SPAG16: variants seen among roughly 807,000 people sequenced by gnomAD.
The protein encoded by SPAG16 is sperm associated antigen 16.
Under a neutral mutation model 80.4 loss-of-function variants are expected in SPAG16, and 86 were observed. The observed-to-expected ratio is 1.07, with a 90% confidence interval of 0.90 to 1.28. SPAG16 has a LOEUF of 1.28. SPAG16 is among the 50% of genes most tolerant of loss of function. SPAG16 has a pLI of 0.00. For missense variants in SPAG16, 870 were observed against 765.3 expected (o/e 1.14, Z -1.61); for synonymous variants, 294 against 265.9 (o/e 1.11, Z -1.03).
chr2:214,184,046 A>C (rs2057391934), intron 15 of SPAG16, among the ~76,000 whole-genome samples: 1 of 152,042 alleles, frequency 6.6e-6, no homozygotes, highest in African/African-American at 2.4e-5. Flanking sequence ...GTTTATTTTC[A>C]ATTTATATAC....
At chr2:213,760,914 A>T (rs898930856) in intron 10 of SPAG16, among the ~76,000 whole-genome samples, 1 of 152,232 alleles carries the variant, frequency 6.6e-6, no homozygotes, top group South Asian at 2.1e-4. Context: ...GAACTTGTTT[A>T]TAACTACCCC....
chr2:213,319,189 A>G (rs183735393), intron 5 of SPAG16, among the ~76,000 whole-genome samples: 1 of 152,082 alleles, frequency 6.6e-6, no homozygotes, highest in African/African-American at 2.4e-5. Flanking sequence ...TTTCTCACTT[A>G]AAGAATCATA....
intron 13 of SPAG16, among the ~76,000 whole-genome samples, chr2:214,025,309 G>T (rs140736561): frequency 3.0e-3 from 457 of 151,586 alleles, no homozygotes; most frequent in African/African-American, 0.01. Context: ...AGAACTAAGT[G>T]ACTACAATTC....
intron 10 of SPAG16, among the ~76,000 whole-genome samples, chr2:213,747,609 C>T (rs1262587873): frequency 6.6e-6 from 1 of 152,166 alleles, no homozygotes; most frequent in African/African-American, 2.4e-5. Context: ...ATGTTACTAT[C>T]GCTACAATAT....
chr2:213,766,940 G>T (rs190333570), intron 10 of SPAG16, among the ~76,000 whole-genome samples: 1 of 152,244 alleles, frequency 6.6e-6, no homozygotes, highest in East Asian at 1.9e-4. Flanking sequence ...AGGCCTGCCG[G>T]GTAAAACCTT....
Position 213,945,813 on chromosome 2 carries a change from A to G in SPAG16, c.1400+15668A>G, listed in dbSNP as rs188881375. Among the ~76,000 whole-genome samples, 17 of 152,310 alleles carry G rather than the reference A, an allele frequency of 1.1e-4. No homozygotes were observed. In the East Asian group the frequency reaches 3.1e-3, roughly 28 times the overall value. On this transcript the variant is annotated intron_variant, in intron 12 of 15. Coordinates refer to ENST00000331683, the MANE Select transcript of SPAG16 (RefSeq NM_024532.5). ...CTTAATCTTGGATTTCCCAGCCTCCAGAACTGTGAGAAATAAATGTTTATT... is the reference window on the plus strand; with the variant it reads ...CTTAATCTTGGATTTCCCAGCCTCCGGAACTGTGAGAAATAAATGTTTATT...
intron 15 of SPAG16, among the ~76,000 whole-genome samples, chr2:214,374,470 T>C (rs747681957): frequency 1.3e-5 from 2 of 152,232 alleles, no homozygotes; most frequent in African/African-American, 2.4e-5. Context: ...GTATGCCTGT[T>C]CACATTCATC....
At chr2:213,712,181 G>A (rs749002212) in intron 10 of SPAG16, among the ~76,000 whole-genome samples, 18 of 152,052 alleles carry the variant, frequency 1.2e-4, no homozygotes, top group South Asian at 6.2e-4. Flanking sequence ...ATAAGTATAC[G>A]TGTAATAGCC....
intron 15 of SPAG16, among the ~76,000 whole-genome samples, chr2:214,301,200 T>TA (rs1694526888): frequency 6.7e-6 from 1 of 148,476 alleles, no homozygotes; most frequent in African/African-American, 2.5e-5. Flanking sequence ...TAAATAGATT[T>TA]AAAAGCAAAA....
At chr2:213,626,092 T>C (rs1236491293) in intron 10 of SPAG16, among the ~76,000 whole-genome samples, 1 of 152,206 alleles carries the variant, frequency 6.6e-6, no homozygotes, top group Non-Finnish European at 1.5e-5. Flanking sequence ...TCATATTTTG[T>C]TGTTATCATT....
intron 9 of SPAG16, among the ~76,000 whole-genome samples, chr2:213,488,498 C>A (rs1291520711): frequency 6.6e-6 from 1 of 151,970 alleles, no homozygotes. Flanking sequence ...ATAAGAGAGA[C>A]AAAAATCACT....
chr2:214,059,186 C>CTCTATA (rs1553706143), intron 13 of SPAG16, among the ~76,000 whole-genome samples: 30 of 114,380 alleles, frequency 2.6e-4, no homozygotes, highest in African/African-American at 1.1e-3. Context: ...CTCTCTCTGT[C>CTCTATA]TATATATATA....
chr2:213,895,430 T>G (rs898610225), intron 11 of SPAG16, among the ~76,000 whole-genome samples: 1 of 152,100 alleles, frequency 6.6e-6, no homozygotes, highest in Non-Finnish European at 1.5e-5. Flanking sequence ...ATAAAATTCC[T>G]ATGGAACTAA....
chr2:214,061,981 GCA>G (rs58582439), intron 13 of SPAG16, among the ~76,000 whole-genome samples: 7,525 of 111,516 alleles, frequency 0.067, 244 homozygotes, highest in Non-Finnish European at 0.077. Flanking sequence ...ATAAAAGCAT[GCA>G]CACACACACA....
intron 10 of SPAG16, among the ~76,000 whole-genome samples, chr2:213,614,752 A>G (rs12617938): frequency 0.41 from 62,223 of 152,054 alleles, 13,269 homozygotes; most frequent in Middle Eastern, 0.52. Flanking sequence ...TATTAATGGG[A>G]CATTAGTATA....
intron 9 of SPAG16, among the ~76,000 whole-genome samples, chr2:213,404,309 A>G (rs1227324116): frequency 6.6e-6 from 1 of 152,234 alleles, no homozygotes; most frequent in Non-Finnish European, 1.5e-5. Context: ...TTCAAACTAT[A>G]CTACAAGCCT....
At chr2:213,819,537 C>A (rs1319256936) in intron 10 of SPAG16, among the ~76,000 whole-genome samples, 2 of 152,068 alleles carry the variant, frequency 1.3e-5, no homozygotes, top group Non-Finnish European at 2.9e-5. Flanking sequence ...AATAAATGCA[C>A]ATTCTTTGAA....
intron 10 of SPAG16, among the ~76,000 whole-genome samples, chr2:213,540,433 G>A (rs1259937705): frequency 6.6e-6 from 1 of 152,076 alleles, no homozygotes; most frequent in African/African-American, 2.4e-5. Flanking sequence ...GGGAATATCA[G>A]TGTGGATATA....
At chr2:214,086,797 A>G (rs1484280152) in intron 13 of SPAG16, among the ~76,000 whole-genome samples, 2 of 152,188 alleles carry the variant, frequency 1.3e-5, no homozygotes, top group East Asian at 1.9e-4. Flanking sequence ...AGCAAATTGG[A>G]TCAATCACAT....
Sources: allele counts gnomAD v4.1 joint callset (sites outside exome capture counted in the v4.1 genomes callset), GRCh38; gene constraint gnomAD v4.1.1; transcripts MANE v1.5; gene names NCBI Gene and HGNC (gene_info 2026-07-23, HGNC 2026-07-21).